THEMIS: variants seen among roughly 807,000 people sequenced by gnomAD.
THEMIS encodes the protein protein THEMIS.
A neutral mutation model predicts 52.6 loss-of-function variants in THEMIS; 37 were observed. That is an observed-to-expected ratio of 0.70 (90% CI 0.54 to 0.93). The LOEUF is 0.93. Ranked by LOEUF, THEMIS falls within the 40% of genes least tolerant of loss-of-function variation. THEMIS has a pLI of 0.00. For synonymous variants in THEMIS, 292 were observed against 272.7 expected (o/e 1.07, Z -0.70); for missense variants, 808 against 763.1 (o/e 1.06, Z -0.69).
chr6:127,766,918 C>G (rs1342512300), intron 4 of THEMIS, among the ~76,000 whole-genome samples: 1 of 152,094 alleles, frequency 6.6e-6, no homozygotes, highest in Non-Finnish European at 1.5e-5. Context: ...TTTATAAACA[C>G]TGTAAACTTT....
chr6:127,855,305 A>G (rs1779583209), intron 1 of THEMIS, 117 bp from the exon 2 acceptor site: 1 of 849,766 alleles, frequency 1.2e-6, no homozygotes. Flanking sequence ...CTACCTGCTA[A>G]ACAGGAATTT....
At chr6:127,907,618 G>A (rs1781308910) in intron 1 of THEMIS, among the ~76,000 whole-genome samples, 1 of 151,602 alleles carries the variant, frequency 6.6e-6, no homozygotes, top group Admixed American at 6.6e-5. Context: ...GATTTTATTA[G>A]GCAGTTGTCT....
At chr6:127,854,700 C>T (rs1779556628) in intron 2 of THEMIS, among the ~76,000 whole-genome samples, 1 of 151,714 alleles carries the variant, frequency 6.6e-6, no homozygotes, top group Non-Finnish European at 1.5e-5. Context: ...TTACTTAGTT[C>T]TACAGAATTT....
At chr6:127,808,497 A>G (rs1020925813) in intron 4 of THEMIS, among the ~76,000 whole-genome samples, 2 of 152,232 alleles carry the variant, frequency 1.3e-5, no homozygotes, top group African/African-American at 4.8e-5. Flanking sequence ...TCAGATGCAC[A>G]GATCCTAAAG....
At chr6:127,897,996 T>G (rs912109243) in intron 1 of THEMIS, among the ~76,000 whole-genome samples, 1 of 151,816 alleles carries the variant, frequency 6.6e-6, no homozygotes, top group Middle Eastern at 3.4e-3. Flanking sequence ...ACAAATATAA[T>G]GTTAAACAGA....
intron 1 of THEMIS, among the ~76,000 whole-genome samples, chr6:127,888,179 A>T (rs1286984937): frequency 6.6e-6 from 1 of 152,136 alleles, no homozygotes; most frequent in Non-Finnish European, 1.5e-5. Context: ...GAGGAGAAGC[A>T]GATTAATAAG....
chr6:127,764,836 T>A lies in THEMIS; in HGVS notation c.1759-45013A>T, dbSNP rs1477062790. On this transcript the variant is annotated intron_variant, in intron 4 of 5. Transcript: ENST00000368248. ...ATAAATGTTGTTATATGTTTTGCTC[T>A]CTCTCTCTTTCCACATTATCATGAA... 3.3e-5 allele frequency among the ~76,000 whole-genome samples: 5 copies of A among 152,032 alleles called. 1 individual carries two copies. In the East Asian group the frequency reaches 9.6e-4, roughly 29 times the overall value.
At chr6:127,743,923 T>A (rs1047237233) in intron 4 of THEMIS, among the ~76,000 whole-genome samples, 1 of 152,082 alleles carries the variant, frequency 6.6e-6, no homozygotes, top group Non-Finnish European at 1.5e-5. Flanking sequence ...AAATATATTA[T>A]CCTTTAAAAT....
At chr6:127,788,895 T>G (rs890393617) in intron 4 of THEMIS, among the ~76,000 whole-genome samples, 1 of 152,092 alleles carries the variant, frequency 6.6e-6, no homozygotes, top group Non-Finnish European at 1.5e-5. Context: ...TAGAGTGAAA[T>G]TTATAGGACT....
At chr6:127,835,677 T>A (rs1452514057) in intron 2 of THEMIS, among the ~76,000 whole-genome samples, 1 of 152,166 alleles carries the variant, frequency 6.6e-6, no homozygotes, top group African/African-American at 2.4e-5. Flanking sequence ...TTAGATATTC[T>A]AGCCTGGATC....
chr6:127,710,818 C>A (rs77842522), intron 5 of THEMIS, among the ~76,000 whole-genome samples: 2 of 151,956 alleles, frequency 1.3e-5, no homozygotes, highest in East Asian at 1.9e-4. Context: ...ATCTCTCTGA[C>A]CCTCCCCTGC....
chr6:127,722,457 T>C (rs1319338785), intron 4 of THEMIS, among the ~76,000 whole-genome samples: 1 of 151,978 alleles, frequency 6.6e-6, no homozygotes, highest in African/African-American at 2.4e-5. Context: ...ATTCTCTCTC[T>C]TCCCTCTCCC....
intron 4 of THEMIS, among the ~76,000 whole-genome samples, chr6:127,773,991 G>T (rs1277971929): frequency 2.0e-5 from 3 of 152,158 alleles, no homozygotes; most frequent in African/African-American, 7.2e-5. Flanking sequence ...AACTCCATGT[G>T]ATGCCAACTG....
At chr6:127,699,423 G>GTAAA in the THEMIS span, among the ~76,000 whole-genome samples, 2 of 150,046 alleles carry the variant, frequency 1.3e-5, no homozygotes, top group African/African-American at 4.9e-5. Context: ...TTTGACAAAA[G>GTAAA]TAAATAATTA....
chr6:127,754,710 G>C (rs934366084), intron 4 of THEMIS, among the ~76,000 whole-genome samples: 29 of 152,082 alleles, frequency 1.9e-4, no homozygotes, highest in African/African-American at 7.0e-4. Flanking sequence ...CATGATAGAG[G>C]TATAAAAAAG....
chr6:127,750,000 T>A (rs1775581413), intron 4 of THEMIS, among the ~76,000 whole-genome samples: 1 of 147,074 alleles, frequency 6.8e-6, no homozygotes, highest in African/African-American at 2.5e-5. Flanking sequence ...CTGTATAGAA[T>A]GGGGACACTG....
chr6:127,904,673 A>C (rs535379222), upstream of THEMIS, among the ~76,000 whole-genome samples: 3 of 152,088 alleles, frequency 2.0e-5, no homozygotes, highest in Non-Finnish European at 2.9e-5. Flanking sequence ...GAGAGAAGGG[A>C]GACCACAGAA....
At chr6:127,772,843 T>C (rs1488983509) in intron 4 of THEMIS, among the ~76,000 whole-genome samples, 1 of 152,182 alleles carries the variant, frequency 6.6e-6, no homozygotes, top group African/African-American at 2.4e-5. Flanking sequence ...TCTTTTCATT[T>C]TGAGGGCGTT....
chr6:127,767,465 T>C (rs1312612627), intron 4 of THEMIS, among the ~76,000 whole-genome samples: 3 of 152,122 alleles, frequency 2.0e-5, no homozygotes, highest in South Asian at 2.1e-4. Flanking sequence ...ATTTTTACTT[T>C]TACTATTTAA....
Sources: gnomAD v4.1 joint callset for allele counts (sites outside exome capture counted in the v4.1 genomes callset) on GRCh38, gnomAD v4.1.1 for gene constraint, MANE v1.5 for transcripts, NCBI Gene and HGNC (gene_info 2026-07-23, HGNC 2026-07-21) for gene names.